EDA2R: variants seen among roughly 807,000 people sequenced by gnomAD.
EDA2R encodes ectodysplasin A2 receptor, also known as tumor necrosis factor receptor superfamily member 27.
Under a neutral mutation model 20.1 loss-of-function variants are expected in EDA2R, and 26 were observed. The observed-to-expected ratio is 1.30, with a 90% confidence interval of 0.95 to 1.80. The LOEUF is 1.80. Ranked by LOEUF, EDA2R falls within the 40% of genes most tolerant of loss-of-function variation. The probability of loss-of-function intolerance (pLI) is 0.00; values close to 1 mark genes in which losing one functional copy is unlikely to be tolerated. For missense variants in EDA2R, 277 were observed against 228.7 expected (o/e 1.21, Z -1.36); for synonymous variants, 114 against 88.7 (o/e 1.29, Z -1.60).
At position 66,599,498 on chromosome X, in the gene EDA2R, C is replaced by A; in HGVS notation, c.880G>T (p.Val294Phe). 8.6e-7 allele frequency: 1 copy of A among 1,164,420 alleles called. No homozygotes were observed. ...DRLELNVPFE[V>F]PSP ...CCTCATTAGAGTTAAGGGCTGGGAA[C>A]TTCAAAGGGCACATTGAGCTCCAGC... The change falls in exon 6 of 7, where the codon GTT (valine) becomes TTT (phenylalanine). Residue 294 changes from valine to phenylalanine, a missense_variant. Coordinates refer to ENST00000374719, the MANE Select transcript of EDA2R (RefSeq NM_021783.5).
chrX:66,619,496 C>T (rs1932249327), intron 1 of EDA2R, among the ~76,000 whole-genome samples: 1 of 111,883 alleles, frequency 8.9e-6, no homozygotes, highest in East Asian at 2.8e-4. Flanking sequence ...AGAACAGTCC[C>T]TCTCACCTCC....
chrX:66,603,410 T>C (rs1252727458), intron 4 of EDA2R, among the ~76,000 whole-genome samples: 3 of 111,207 alleles, frequency 2.7e-5, no homozygotes, highest in Non-Finnish European at 5.7e-5. Context: ...CTTACACCCT[T>C]GCAGTAAGGC....
At chrX:66,628,074 C>T (rs1341677207) in intron 1 of EDA2R, among the ~76,000 whole-genome samples, 3 of 111,340 alleles carry the variant, frequency 2.7e-5, no homozygotes, top group African/African-American at 9.8e-5. Context: ...ATATAACCTG[C>T]TCCTGAATGA....
intron 2 of EDA2R, 60 bp from the exon 3 acceptor site, chrX:66,605,286 G>T (rs1929468791): frequency 1.8e-6 from 2 of 1,089,281 alleles, no homozygotes; most frequent in Non-Finnish European, 2.5e-6. Flanking sequence ...GGGATCACCT[G>T]TGGGACAAGT....
In EDA2R at chrX:66,597,221, G is replaced by T. The variant is rs1293357144; in HGVS notation, c.*883C>A. Reference sequence around the variant, plus strand: ...TTTTCTCTGAGCATGAGATGTATAGGTGGGAGCTAAAGGCAAAAAGACAAT... The same window carrying T: ...TTTTCTCTGAGCATGAGATGTATAGTTGGGAGCTAAAGGCAAAAAGACAAT... On this transcript the variant is annotated 3_prime_UTR_variant, in exon 7 of 7. Coordinates refer to ENST00000374719, the MANE Select transcript of EDA2R (RefSeq NM_021783.5). 1 of 112,284 alleles carries T rather than the reference G, an allele frequency of 8.9e-6. No individual in the cohort carries two copies. The highest frequency in any genetic ancestry group is 2.8e-4 in the East Asian group (1 of 3,569). 9.3% of individuals were successfully genotyped at this position (112,284 alleles called of 1,213,427 possible).
rs1189436834 is a variant in EDA2R at position 66,597,422 on chromosome X, T to C, written c.*682A>G. ...GGAAGATTACTTTGGCTCAGAAATG[T>C]TCTGTAAGGTTCCAAAATGGCGAAC... is the stretch of plus-strand genomic sequence containing the variant. On this transcript the variant is annotated 3_prime_UTR_variant, in exon 7 of 7. Coordinates refer to ENST00000374719, the MANE Select transcript of EDA2R (RefSeq NM_021783.5). 9.0e-6 allele frequency: 1 copy of C among 111,650 alleles called. No homozygotes were observed. Among genetic ancestry groups the C allele is most frequent in the Non-Finnish European group, 1.9e-5 (1 of 53,146 alleles). 9.2% of individuals were successfully genotyped at this position (111,650 alleles called of 1,213,427 possible).
intron 1 of EDA2R, among the ~76,000 whole-genome samples, chrX:66,637,750 A>G (rs982126421): frequency 6.2e-5 from 7 of 112,438 alleles, no homozygotes; most frequent in Non-Finnish European, 1.1e-4. Flanking sequence ...ATTTTGGGCC[A>G]GCCACTGTGC....
rs183603397 is a variant in EDA2R, at chrX:66,624,752, G to T, written c.-10-8722C>A. Among the ~76,000 whole-genome samples, 47 of 111,089 alleles carry T rather than the reference G, an allele frequency of 4.2e-4. No homozygotes were observed. The Admixed American group carries it at 4.4e-3, about 10-fold the overall frequency. ...ACTGCAAGAACAAACCAGGGATCTC[G>T]AGAGGACCTACAGACACTCTTAGGA... is the stretch of plus-strand genomic sequence containing the variant. On this transcript the variant is annotated intron_variant, in intron 1 of 6. Transcript: ENST00000374719.
At chrX:66,600,008 C>T (rs202011613) in intron 5 of EDA2R, 148 bp from the exon 6 acceptor site, 2 of 1,142,773 alleles carry the variant, frequency 1.8e-6, no homozygotes, top group Admixed American at 5.3e-5. Context: ...TAGCACCAGG[C>T]TGAGGTGACA....
At chrX:66,626,785 G>GAGGGA (rs1472942329) in intron 1 of EDA2R, among the ~76,000 whole-genome samples, 2 of 92,735 alleles carry the variant, frequency 2.2e-5, no homozygotes, top group African/African-American at 4.0e-5. Context: ...AAAGGAAGAG[G>GAGGGA]AGGGAAGGGG....
chrX:66,612,195 A>G (rs745594868), intron 2 of EDA2R, among the ~76,000 whole-genome samples: 8 of 111,587 alleles, frequency 7.2e-5, no homozygotes, highest in Non-Finnish European at 1.3e-4. Flanking sequence ...ATAAAACACA[A>G]ATGAAATGAT....
At chrX:66,604,370 C>A in intron 4 of EDA2R, 51 bp downstream of exon 4, 1 of 1,132,464 alleles carries the variant, frequency 8.8e-7, no homozygotes, top group East Asian at 3.0e-5. Flanking sequence ...CCCTATCTTG[C>A]TGCCACCCAA....
rs1927513608 is a variant in EDA2R, at chrX:66,596,760, A to C, written c.*1344T>G. The C allele has an allele frequency of 9.6e-6, 1 of 103,661 alleles. No individual in the cohort carries two copies. Among genetic ancestry groups the C allele is most frequent in the Non-Finnish European group, 1.9e-5 (1 of 53,106 alleles). 8.5% of individuals were successfully genotyped at this position (103,661 alleles called of 1,213,427 possible). A position where few individuals can be genotyped will look rare whatever the true frequency, so the allele number is the denominator to read the frequency against. ...GCAGAAAAACAAAAACAAAAACAAAAACAAAAAAAAAACAGGAAACCTAAA... is the reference window on the plus strand; with the variant it reads ...GCAGAAAAACAAAAACAAAAACAAACACAAAAAAAAAACAGGAAACCTAAA... On this transcript the variant is annotated 3_prime_UTR_variant, in exon 7 of 7. Coordinates refer to ENST00000374719, the MANE Select transcript of EDA2R (RefSeq NM_021783.5).
chrX:66,599,431 T>G, intron 6 of EDA2R, 43 bp downstream of exon 6: 2 of 1,029,308 alleles, frequency 1.9e-6, no homozygotes, highest in South Asian at 5.1e-5. Context: ...TTAATTTCTG[T>G]TTTGCTTTTT....
At chrX:66,631,033 A>ATGTG (rs1491530208) in intron 1 of EDA2R, among the ~76,000 whole-genome samples, 1 of 109,328 alleles carries the variant, frequency 9.1e-6, no homozygotes, top group Non-Finnish European at 1.9e-5. Flanking sequence ...ATACACACAC[A>ATGTG]TGTGTGTATA....
At chrX:66,615,272 T>C (rs1030983375) in intron 2 of EDA2R, among the ~76,000 whole-genome samples, 2 of 111,862 alleles carry the variant, frequency 1.8e-5, no homozygotes, top group African/African-American at 3.2e-5. Context: ...TTGCATAAAA[T>C]AGAGTGTGAA....
chrX:66,620,965 C>CAAAAA (rs376190384), intron 1 of EDA2R, among the ~76,000 whole-genome samples: 9 of 55,299 alleles, frequency 1.6e-4, no homozygotes, highest in Admixed American at 5.6e-4. Context: ...TATCCACTAC[C>CAAAAA]AAAAAAAAAA....
chrX:66,622,220 A>C (rs1254694450), intron 1 of EDA2R, among the ~76,000 whole-genome samples: 3 of 111,716 alleles, frequency 2.7e-5, no homozygotes, highest in Non-Finnish European at 5.6e-5. Context: ...AAAATAATGT[A>C]GACGATTAAG....
chrX:66,621,924 G>T (rs1049337853), intron 1 of EDA2R, among the ~76,000 whole-genome samples: 1 of 112,112 alleles, frequency 8.9e-6, no homozygotes, highest in African/African-American at 3.2e-5. Flanking sequence ...TTAAAAGATG[G>T]TTCTTTAGCT....
Sources: allele counts gnomAD v4.1 joint callset (sites outside exome capture counted in the v4.1 genomes callset), GRCh38; gene constraint gnomAD v4.1.1; transcripts MANE v1.5; gene names NCBI Gene and HGNC (gene_info 2026-07-23, HGNC 2026-07-21).